EHD1: variants seen among roughly 807,000 people sequenced by gnomAD.
EHD1 encodes EH domain-containing protein 1.
A neutral mutation model predicts 39.0 loss-of-function variants in EHD1; 19 were observed. The observed-to-expected ratio is 0.49, with a 90% CI of 0.34 to 0.72. The LOEUF is 0.72. EHD1 is among the 30% of genes least tolerant of loss of function. The pLI, the probability that EHD1 is intolerant of heterozygous loss-of-function variation, is 0.01. For missense variants in EHD1, 542 were observed against 751.5 expected (o/e 0.72, Z 3.26); for synonymous variants, 323 against 331.2 (o/e 0.98, Z 0.27).
intron 1 of EHD1, chr11:64,877,839 G>C (rs1197247798): frequency 4.7e-6 from 2 of 422,144 alleles, no homozygotes; most frequent in Non-Finnish European, 8.2e-6. Flanking sequence ...GAAGATTCTG[G>C]GGAGGACAGA....
chr11:64,863,060 C>A (rs995968711), intron 2 of EHD1, among the ~76,000 whole-genome samples: 8 of 152,218 alleles, frequency 5.3e-5, no homozygotes, highest in African/African-American at 1.9e-4. Context: ...GGGCAAGCCT[C>A]CACGTCCCTG....
At chr11:64,867,047 G>C (rs1943774815) in intron 2 of EHD1, among the ~76,000 whole-genome samples, 2 of 152,164 alleles carry the variant, frequency 1.3e-5, no homozygotes, top group Admixed American at 6.5e-5. Context: ...GAACAATGAA[G>C]AATGTGCTAA....
At chr11:64,871,515 C>A (rs1454886353) in intron 2 of EHD1, among the ~76,000 whole-genome samples, 3 of 152,252 alleles carry the variant, frequency 2.0e-5, no homozygotes, top group East Asian at 1.9e-4. Context: ...AAAACACCAT[C>A]ATTCAAACCC....
At chr11:64,875,007 C>T (rs935350185) in intron 1 of EHD1, among the ~76,000 whole-genome samples, 4 of 152,180 alleles carry the variant, frequency 2.6e-5, no homozygotes, top group East Asian at 1.9e-4. Flanking sequence ...TTGAAATGGA[C>T]GGCTGGCAAA....
At chr11:64,871,340 C>G (rs775791043) in intron 2 of EHD1, among the ~76,000 whole-genome samples, 5 of 152,148 alleles carry the variant, frequency 3.3e-5, no homozygotes, top group African/African-American at 4.8e-5. Flanking sequence ...TGCTCCACTC[C>G]GACCTCCTCC....
Position 64,878,355 on chromosome 11 carries a change from T to TC in EHD1, c.109dup (p.Glu37GlyfsTer18). ...GAACTCGTGGAAGCGGTAGTGCTCC[T>TC]CCAGGGGTAGCAGCTTCTGCGCGTA... On this transcript the variant is annotated frameshift_variant, in exon 1 of 5. Coordinates refer to ENST00000320631, the MANE Select transcript of EHD1 (RefSeq NM_006795.4). LOFTEE classifies it high-confidence loss of function. 6.2e-7 allele frequency: 1 copy of TC among 1,613,982 alleles called. No homozygotes were observed. Among genetic ancestry groups the TC allele is most frequent in the Non-Finnish European group, 8.5e-7 (1 of 1,180,020 alleles).
chr11:64,854,165 C>G lies in EHD1; in HGVS notation c.*168G>C, dbSNP rs565074634. The stretch of plus-strand genomic sequence containing the variant: ...TCCATCCTCTCACCCCTGCCTCCCC[C>G]GCCAGGCCCAGGAACAGCCTTAAAA... On this transcript the variant is annotated 3_prime_UTR_variant, in exon 5 of 5. Coordinates refer to ENST00000320631, the MANE Select transcript of EHD1 (RefSeq NM_006795.4). The G allele has an allele frequency of 7.5e-6, 9 of 1,207,944 alleles. No individual in the cohort carries two copies. Among genetic ancestry groups the G allele is most frequent in the African/African-American group, 4.6e-5 (3 of 65,244 alleles). 74.8% of individuals were successfully genotyped at this position (1,207,944 alleles called of 1,614,324 possible).
chr11:64,878,831 G>C, upstream of EHD1: 1 of 1,142,270 alleles, frequency 8.8e-7, no homozygotes, highest in South Asian at 3.2e-5. Context: ...CGTGGCAACC[G>C]CACCTGTTTC....
intron 4 of EHD1, 79 bp from the exon 5 acceptor site, chr11:64,854,936 C>T (rs1943632601): frequency 6.5e-7 from 1 of 1,533,340 alleles, no homozygotes; most frequent in Non-Finnish European, 8.8e-7. Context: ...CCAGTCAGGG[C>T]TTCACAAGCA....
In EHD1 at chr11:64,868,271, G is replaced by A. The variant is rs969614539; in HGVS notation, c.502+6150C>T. The stretch of plus-strand genomic sequence containing the variant: ...AGGTTTCCAACGCGTGCTGGGCCTC[G>A]TTCCTGGGCTTGCTCAGGCTGAAGC... On this transcript the variant is annotated intron_variant, in intron 2 of 4. Transcript: ENST00000320631. The surrounding 1 kb of genome is among the most constrained non-coding windows in gnomAD (Gnocchi z 4.2). Among the ~76,000 whole-genome samples, 2 of 152,124 alleles carry A rather than the reference G, an allele frequency of 1.3e-5. No homozygotes were observed. Among genetic ancestry groups the A allele is most frequent in the South Asian group, 4.1e-4 (2 of 4,828 alleles).
At chr11:64,857,229 A>C (rs1221146411) in intron 3 of EHD1, among the ~76,000 whole-genome samples, 1 of 152,198 alleles carries the variant, frequency 6.6e-6, no homozygotes, top group Non-Finnish European at 1.5e-5. Context: ...GTTCGAGACC[A>C]GCCTGATCAA....
intron 4 of EHD1, 25 bp downstream of exon 4, chr11:64,855,297 G>A: frequency 6.2e-7 from 1 of 1,610,262 alleles, no homozygotes; most frequent in Non-Finnish European, 8.5e-7. Context: ...CCACCAGCCT[G>A]CATGGGGCCT....
chr11:64,869,660 A>G (rs1943806924), intron 2 of EHD1, among the ~76,000 whole-genome samples: 1 of 152,224 alleles, frequency 6.6e-6, no homozygotes. Flanking sequence ...CCCTAGAGCC[A>G]CCCAGCTCCC....
chr11:64,855,633 A>G (rs1592743825), intron 3 of EHD1, 147 bp from the exon 4 acceptor site: 6 of 1,167,540 alleles, frequency 5.1e-6, no homozygotes, highest in Non-Finnish European at 6.0e-6. Flanking sequence ...GGCCGCTACC[A>G]CCACCGGCTC....
In EHD1 at chr11:64,854,293, C is replaced by T. The variant is rs554327697; in HGVS notation, c.*40G>A. 26 of 1,553,962 alleles carry T rather than the reference C, an allele frequency of 1.7e-5. No individual in the cohort carries two copies. The highest frequency in any genetic ancestry group is 1.7e-4 in the Middle Eastern group (1 of 5,830). On this transcript the variant is annotated 3_prime_UTR_variant, in exon 5 of 5. Coordinates refer to ENST00000320631, the MANE Select transcript of EHD1 (RefSeq NM_006795.4). The stretch of plus-strand genomic sequence containing the variant: ...TTCCCCTCCCCCCGTCTCTGCCTCC[C>T]GGCCGGGCGTGCAAATGGCAGGTGC...
intron 2 of EHD1, among the ~76,000 whole-genome samples, chr11:64,861,517 T>G (rs1363906487): frequency 6.6e-6 from 1 of 152,242 alleles, no homozygotes; most frequent in Non-Finnish European, 1.5e-5. Context: ...TTTTCAGTGC[T>G]GATGTGCCAG....
chr11:64,860,833 A>C lies in EHD1; in HGVS notation c.503-497T>G, dbSNP rs191817541. On this transcript the variant is annotated intron_variant, in intron 2 of 4. Coordinates refer to ENST00000320631, the MANE Select transcript of EHD1 (RefSeq NM_006795.4). Reference sequence around the variant, plus strand: ...TCAGGAGTTCAAGACCAGCCTGGCCAACATAGTGAAGCCCTGTCTCTACTG... The same window carrying C: ...TCAGGAGTTCAAGACCAGCCTGGCCCACATAGTGAAGCCCTGTCTCTACTG... Among the ~76,000 whole-genome samples the C allele has an allele frequency of 6.8e-3, 1,031 of 152,150 alleles. 9 individuals carry two copies. Among genetic ancestry groups the C allele is most frequent in the African/African-American group, 0.024 (996 of 41,498 alleles).
chr11:64,862,345 C>T (rs1358222849), intron 2 of EHD1, among the ~76,000 whole-genome samples: 2 of 152,224 alleles, frequency 1.3e-5, no homozygotes, highest in Non-Finnish European at 2.9e-5. Context: ...ATATAACTAT[C>T]CAGTTTCAGC....
At position 64,859,838 on chromosome 11, in the gene EHD1, C is replaced by T. The variant is rs1402930099; in HGVS notation, c.915+86G>A. The T allele has an allele frequency of 3.6e-5, 54 of 1,507,688 alleles. No individual in the cohort carries two copies. In the South Asian group the frequency reaches 6.5e-4, roughly 18 times the overall value. The allele number at this position is 1,507,688 out of a possible 1,614,324, so 93.4% of individuals were successfully genotyped here. A position where few individuals can be genotyped will look rare whatever the true frequency, so the allele number is the denominator to read the frequency against. On this transcript the variant is annotated intron_variant, in intron 3 of 4. Transcript: ENST00000320631. The stretch of plus-strand genomic sequence containing the variant: ...CTGTGAAGTGAGCTGGGAAGGGTCT[C>T]GGGCAATCCTGGGGCCCTGAGTGCC...
Sources: allele counts gnomAD v4.1 joint callset (sites outside exome capture counted in the v4.1 genomes callset), GRCh38; gene constraint gnomAD v4.1.1; non-coding constraint Gnocchi (gnomAD v3.1); transcripts MANE v1.5; gene names NCBI Gene and HGNC (gene_info 2026-07-23, HGNC 2026-07-21).